CNNM2: variants seen among roughly 807,000 people sequenced by gnomAD.
CNNM2 encodes metal transporter CNNM2.
Under a neutral mutation model 66.9 loss-of-function variants are expected in CNNM2, and 12 were observed. That is an observed-to-expected ratio of 0.18 (90% CI 0.11 to 0.29). The LOEUF is 0.29. CNNM2 is among the 10% of genes least tolerant of loss of function. The pLI is 1.00. For synonymous variants in CNNM2, 557 were observed against 501.8 expected (o/e 1.11, Z -1.47); for missense variants, 705 against 1,167.7 (o/e 0.60, Z 5.77).
chr10:102,954,125 T>C (rs1281264053), intron 1 of CNNM2, among the ~76,000 whole-genome samples: 4 of 123,540 alleles, frequency 3.2e-5, no homozygotes, highest in African/African-American at 1.3e-4. Context: ...TCTTTTCTTT[T>C]CTTTTTTTTT....
chr10:102,982,316 A>T (rs1019267030), intron 1 of CNNM2, among the ~76,000 whole-genome samples: 2 of 152,224 alleles, frequency 1.3e-5, no homozygotes, highest in Non-Finnish European at 2.9e-5. Context: ...TCCACTGAAG[A>T]CAGCAACCCA....
In CNNM2 at chr10:103,071,045, CAGTT is replaced by C. The variant is rs1205187085; in HGVS notation, c.2168-725_2168-722del. On this transcript the variant is annotated intron_variant, in intron 5 of 7. Coordinates refer to ENST00000369878, the MANE Select transcript of CNNM2 (RefSeq NM_017649.5). ...GATTTTGTATATTCATTGAGAGGCA[CAGTT>C]AGTACAGATATCACAAGGTAAAGTT... is the stretch of plus-strand genomic sequence containing the variant. Among the ~76,000 whole-genome samples the C allele has an allele frequency of 2.0e-5, 3 of 152,172 alleles. 1 individual carries two copies. Among genetic ancestry groups the C allele is most frequent in the Non-Finnish European group, 4.4e-5 (3 of 68,046 alleles).
At chr10:103,048,465 C>T (rs1173842304) in intron 1 of CNNM2, among the ~76,000 whole-genome samples, 1 of 152,036 alleles carries the variant, frequency 6.6e-6, no homozygotes, top group Non-Finnish European at 1.5e-5. Context: ...ATCTACCTGC[C>T]TCAGCCTCCC....
intron 1 of CNNM2, among the ~76,000 whole-genome samples, chr10:103,019,358 A>G (rs530177432): frequency 1.3e-5 from 2 of 152,250 alleles, no homozygotes; most frequent in African/African-American, 4.8e-5. Flanking sequence ...CATGGAGATC[A>G]CAAGAGGGGT....
intron 1 of CNNM2, among the ~76,000 whole-genome samples, chr10:102,927,849 T>A (rs1845928774): frequency 6.6e-6 from 1 of 152,164 alleles, no homozygotes; most frequent in African/African-American, 2.4e-5. Flanking sequence ...TGCCAAACCC[T>A]CTCCCTGTGT....
chr10:103,066,877 T>A (rs1414074776), intron 4 of CNNM2, among the ~76,000 whole-genome samples: 2 of 151,868 alleles, frequency 1.3e-5, no homozygotes, highest in Non-Finnish European at 2.9e-5. Flanking sequence ...GTGGGGAAGG[T>A]TTGTAGCACC....
intron 1 of CNNM2, among the ~76,000 whole-genome samples, chr10:102,960,317 A>G (rs1049961389): frequency 6.6e-6 from 1 of 152,210 alleles, no homozygotes; most frequent in Non-Finnish European, 1.5e-5. Context: ...GTACACTGGT[A>G]CCTACTGTGC....
At chr10:103,010,333 G>A (rs2064318481) in intron 1 of CNNM2, among the ~76,000 whole-genome samples, 1 of 151,886 alleles carries the variant, frequency 6.6e-6, no homozygotes, top group African/African-American at 2.4e-5. Context: ...GACCTCCTGG[G>A]GTCAGGTGAT....
rs370000130 is a variant in CNNM2, at chr10:103,018,686, C to CTTTTTTTTT, written c.1622-31008_1622-31000dup. 8.8e-4 allele frequency among the ~76,000 whole-genome samples: 102 copies of CTTTTTTTTT among 116,268 alleles called. 5 individuals are homozygous for CTTTTTTTTT. Among genetic ancestry groups the CTTTTTTTTT allele is most frequent in the East Asian group, 6.0e-3 (25 of 4,160 alleles). 76.3% of individuals were successfully genotyped at this position (116,268 alleles called of 152,430 possible). A position where few individuals can be genotyped will look rare whatever the true frequency, so the allele number is the denominator to read the frequency against. On this transcript the variant is annotated intron_variant, in intron 1 of 7. Coordinates refer to ENST00000369878, the MANE Select transcript of CNNM2 (RefSeq NM_017649.5). ...AGCAAGGTAAATATACTCTTCTTTC[C>CTTTTTTTTT]TTTTTTTTTTTTTTTTTTTTTGAGA...
At chr10:102,954,836 G>T (rs1024180332) in intron 1 of CNNM2, among the ~76,000 whole-genome samples, 2 of 152,066 alleles carry the variant, frequency 1.3e-5, no homozygotes, top group Admixed American at 6.6e-5. Context: ...GTAAGATTGG[G>T]ATCTCTTCAA....
intron 1 of CNNM2, among the ~76,000 whole-genome samples, chr10:102,980,384 C>T (rs750498201): frequency 2.0e-5 from 3 of 151,666 alleles, no homozygotes; most frequent in Non-Finnish European, 4.4e-5. Flanking sequence ...GATCCTCCCA[C>T]CTTAGCCTCC....
chr10:103,038,037 A>C (rs927847825), intron 1 of CNNM2, among the ~76,000 whole-genome samples: 1 of 152,058 alleles, frequency 6.6e-6, no homozygotes, highest in Non-Finnish European at 1.5e-5. Context: ...ACGGGGTTTC[A>C]CCATGTTGGC....
At chr10:103,051,875 T>A (rs890170690) in intron 2 of CNNM2, among the ~76,000 whole-genome samples, 1 of 152,204 alleles carries the variant, frequency 6.6e-6, no homozygotes, top group Non-Finnish European at 1.5e-5. Context: ...AAACACCCTT[T>A]CCCACATCTG....
At chr10:102,945,447 G>T (rs773307416) in intron 1 of CNNM2, among the ~76,000 whole-genome samples, 1 of 152,008 alleles carries the variant, frequency 6.6e-6, no homozygotes, top group Non-Finnish European at 1.5e-5. Flanking sequence ...TAACTTTTTT[G>T]CAAGTAGAAA....
At chr10:102,992,055 G>A (rs896626721) in intron 1 of CNNM2, among the ~76,000 whole-genome samples, 10 of 151,976 alleles carry the variant, frequency 6.6e-5, no homozygotes, top group Non-Finnish European at 2.9e-5. Context: ...ATATGTACAT[G>A]CTGATGTATT....
At chr10:103,016,087 T>G (rs1280087012) in intron 1 of CNNM2, among the ~76,000 whole-genome samples, 1 of 152,176 alleles carries the variant, frequency 6.6e-6, no homozygotes, top group East Asian at 1.9e-4. Flanking sequence ...GTAGACTTTC[T>G]GACAGAAACA....
At chr10:103,023,898 G>A (rs1216832716) in intron 1 of CNNM2, among the ~76,000 whole-genome samples, 2 of 152,168 alleles carry the variant, frequency 1.3e-5, no homozygotes, top group East Asian at 3.9e-4. Context: ...ATATTTTTTA[G>A]ATGTGATAAT....
At chr10:103,026,380 G>A (rs574461778) in intron 1 of CNNM2, among the ~76,000 whole-genome samples, 125 of 152,122 alleles carry the variant, frequency 8.2e-4, no homozygotes, top group Middle Eastern at 6.8e-3. Flanking sequence ...CGGGTGGATC[G>A]CTTGAGCTCA....
intron 1 of CNNM2, among the ~76,000 whole-genome samples, chr10:103,020,484 T>C (rs2064552022): frequency 6.6e-6 from 1 of 152,166 alleles, no homozygotes; most frequent in Admixed American, 6.5e-5. Flanking sequence ...TATTAATTAA[T>C]CCATTCAACC....
Sources: gnomAD v4.1 joint callset for allele counts (sites outside exome capture counted in the v4.1 genomes callset) on GRCh38, gnomAD v4.1.1 for gene constraint, MANE v1.5 for transcripts, NCBI Gene and HGNC (gene_info 2026-07-23, HGNC 2026-07-21) for gene names.